The following SLIT2 variants were observed in gnomAD, a reference collection of about 807,000 sequenced individuals.
SLIT2 encodes the protein slit homolog 2 protein.
Under a neutral mutation model 185.7 loss-of-function variants are expected in SLIT2, and 41 were observed. The observed-to-expected ratio is 0.22, with a 90% CI of 0.17 to 0.29. SLIT2 has a LOEUF of 0.29. SLIT2 is among the 10% of genes least tolerant of loss of function. The pLI, the probability that SLIT2 is intolerant of heterozygous loss-of-function variation, is 1.00. For synonymous variants in SLIT2, 693 were observed against 680.2 expected (o/e 1.02, Z -0.29); for missense variants, 1,571 against 1,909.0 (o/e 0.82, Z 3.30).
At chr4:20,505,860 G>A (rs894380769) in intron 9 of SLIT2, among the ~76,000 whole-genome samples, 3 of 151,964 alleles carry the variant, frequency 2.0e-5, no homozygotes, top group East Asian at 1.9e-4. Context: ...CTTTAAAGTC[G>A]TGAAGACATG....
At chr4:20,524,709 T>C (rs1420793032) in intron 14 of SLIT2, among the ~76,000 whole-genome samples, 1 of 152,218 alleles carries the variant, frequency 6.6e-6, no homozygotes, top group Non-Finnish European at 1.5e-5. Context: ...ATGCGTTTTT[T>C]CCAAAAGCTA....
chr4:20,256,772 AT>A, intron 2 of SLIT2, 29 bp downstream of exon 2: 1 of 1,163,664 alleles, frequency 8.6e-7, no homozygotes, highest in Non-Finnish European at 1.2e-6. Context: ...TTTTTAAATA[AT>A]TTTTTAAGGT....
Position 20,617,089 on chromosome 4 carries a change from C to T in SLIT2, c.4027C>T (p.His1343Tyr), listed in dbSNP as rs754353888. The change falls in exon 35 of 37, where the codon CAT (histidine) becomes TAT (tyrosine). Residue 1343 changes from histidine (H) to tyrosine (Y), a missense_variant. Coordinates refer to ENST00000504154, the MANE Select transcript of SLIT2 (RefSeq NM_004787.4). Reference protein sequence around the residue: ...CEPCHKKVCAHGTCQPSSQAG... With the variant: ...CEPCHKKVCAYGTCQPSSQAG... ...GCCATGCCACAAGAAGGTGTGTGCC[C>T]ATGGCACATGCCAGCCCAGCAGCCA... The T allele has an allele frequency of 7.4e-6, 12 of 1,613,796 alleles. No individual in the cohort carries two copies. Among genetic ancestry groups the T allele is most frequent in the Non-Finnish European group, 2.5e-6 (3 of 1,179,776 alleles).
chr4:20,360,253 C>T (rs1311206462), intron 4 of SLIT2, among the ~76,000 whole-genome samples: 4 of 152,060 alleles, frequency 2.6e-5, no homozygotes, highest in African/African-American at 4.8e-5. Flanking sequence ...TTTCTTTCTG[C>T]CCTGTAAAAA....
At chr4:20,532,772 A>G (rs1196201023) in intron 17 of SLIT2, among the ~76,000 whole-genome samples, 2 of 152,052 alleles carry the variant, frequency 1.3e-5, no homozygotes, top group East Asian at 1.9e-4. Context: ...ATATTAGCCT[A>G]CCTCCCAAAT....
chr4:20,392,167 C>G, intron 4 of SLIT2: 1 of 152,004 alleles, frequency 6.6e-6, no homozygotes, highest in Non-Finnish European at 1.5e-5. Context: ...ATAGCCCACT[C>G]TACACCTAGG....
chr4:20,323,732 G>A (rs1375477611), intron 4 of SLIT2, among the ~76,000 whole-genome samples: 3 of 152,288 alleles, frequency 2.0e-5, no homozygotes, highest in South Asian at 2.1e-4. Context: ...CAGAGTCTAA[G>A]ATTGGCTGGC....
In SLIT2 at chr4:20,345,150, A is replaced by G. The variant is rs1403999363; in HGVS notation, c.395+76269A>G. ...AAATTTGATTTTAAGTTTGCATCCT[A>G]TGAGGCAGGTAAGAAATTAAATCTC... On this transcript the variant is annotated intron_variant, in intron 4 of 36. Coordinates refer to ENST00000504154, the MANE Select transcript of SLIT2 (RefSeq NM_004787.4). 1.2e-4 allele frequency among the ~76,000 whole-genome samples: 18 copies of G among 152,220 alleles called. 1 individual carries two copies.
At chr4:20,279,675 A>G (rs1714528585) in intron 4 of SLIT2, among the ~76,000 whole-genome samples, 1 of 152,142 alleles carries the variant, frequency 6.6e-6, no homozygotes, top group Non-Finnish European at 1.5e-5. Flanking sequence ...TTCTTATGGA[A>G]GTGATGTGTG....
At chr4:20,349,342 C>G (rs1021767236) in intron 4 of SLIT2, among the ~76,000 whole-genome samples, 4 of 152,174 alleles carry the variant, frequency 2.6e-5, no homozygotes, top group South Asian at 2.1e-4. Flanking sequence ...AACACAATCA[C>G]TTCCTAACAA....
At chr4:20,550,373 T>TG (rs1172912779) in intron 24 of SLIT2, among the ~76,000 whole-genome samples, 1 of 142,074 alleles carries the variant, frequency 7.0e-6, no homozygotes, top group African/African-American at 3.1e-5. Flanking sequence ...CTTGCAGGGG[T>TG]TTTTTTTAAA....
chr4:20,290,754 G>GTT (rs1464672963), intron 4 of SLIT2, among the ~76,000 whole-genome samples: 1 of 122,170 alleles, frequency 8.2e-6, no homozygotes, highest in East Asian at 3.5e-4. Flanking sequence ...CTGTTTTCAT[G>GTT]GTTTTTTTTT....
intron 4 of SLIT2, among the ~76,000 whole-genome samples, chr4:20,362,880 A>T (rs1359557014): frequency 1.3e-5 from 2 of 152,066 alleles, no homozygotes; most frequent in African/African-American, 2.4e-5. Flanking sequence ...TATTTTTCTT[A>T]ATATTAAAAT....
Position 20,598,373 on chromosome 4 carries a change from C to T in SLIT2, c.3670C>T (p.His1224Tyr), listed in dbSNP as rs769417935. The change falls in exon 33 of 37, where the codon CAT (histidine) becomes TAT (tyrosine). Residue 1224 changes from histidine to tyrosine, a missense_variant. This residue lies in a region of SLIT2 where 146 missense variants were observed against 247.4 expected (regional missense o/e 0.59). Transcript: ENST00000504154. Reference protein sequence around the residue: ...RVRASYDTGSHPASAIYSVET... With the variant: ...RVRASYDTGSYPASAIYSVET... The stretch of plus-strand genomic sequence containing the variant: ...TCGTGCCAGCTATGACACCGGCTCT[C>T]ATCCAGCTTCTGCCATTTACAGGTG... 6.2e-7 allele frequency: 1 copy of T among 1,614,106 alleles called. No individual in the cohort carries two copies. The highest frequency in any genetic ancestry group is 1.1e-5 in the South Asian group (1 of 91,076).
intron 4 of SLIT2, among the ~76,000 whole-genome samples, chr4:20,291,938 G>T (rs1442528886): frequency 6.8e-6 from 1 of 146,192 alleles, no homozygotes; most frequent in Non-Finnish European, 1.5e-5. Flanking sequence ...GTGTGTGTGT[G>T]TGCATGTGTG....
At chr4:20,411,625 G>A (rs1727265528) in intron 4 of SLIT2, among the ~76,000 whole-genome samples, 1 of 152,094 alleles carries the variant, frequency 6.6e-6, no homozygotes, top group African/African-American at 2.4e-5. Flanking sequence ...CTTGTTTTAG[G>A]TCACTTACAT....
chr4:20,378,771 A>G (rs1175536732), intron 4 of SLIT2, among the ~76,000 whole-genome samples: 3 of 152,150 alleles, frequency 2.0e-5, no homozygotes, highest in African/African-American at 7.2e-5. Flanking sequence ...CTCATACTAC[A>G]TGATCACCTG....
chr4:20,413,076 A>G (rs1241166616), intron 4 of SLIT2, among the ~76,000 whole-genome samples: 8 of 152,118 alleles, frequency 5.3e-5, no homozygotes, highest in Non-Finnish European at 1.0e-4. Flanking sequence ...GTATTGTAAT[A>G]ATGGTAAATA....
intron 11 of SLIT2, among the ~76,000 whole-genome samples, chr4:20,515,961 G>A (rs769539255): frequency 3.3e-5 from 5 of 152,236 alleles, no homozygotes; most frequent in East Asian, 3.9e-4. Context: ...GATTACAGGC[G>A]CCTGCTACCA....
Sources: allele counts gnomAD v4.1 joint callset (sites outside exome capture counted in the v4.1 genomes callset), GRCh38; gene constraint gnomAD v4.1.1; regional missense constraint gnomAD v4.1.1; transcripts MANE v1.5; gene names NCBI Gene and HGNC (gene_info 2026-07-23, HGNC 2026-07-21).